PTPRD: variants seen among roughly 807,000 people sequenced by gnomAD.
The protein encoded by PTPRD is protein tyrosine phosphatase receptor type D.
A neutral mutation model predicts 214.5 loss-of-function variants in PTPRD; 34 were observed. That is an observed-to-expected ratio of 0.16 (90% CI 0.12 to 0.21). The LOEUF (loss-of-function observed/expected upper bound fraction) is 0.21. Among genes scored for constraint, PTPRD ranks in the 10% least tolerant of loss-of-function variants. PTPRD has a pLI of 1.00. For synonymous variants in PTPRD, 1,128 were observed against 845.7 expected (o/e 1.33, Z -5.79); for missense variants, 2,545 against 2,398.7 (o/e 1.06, Z -1.27).
intron 3 of PTPRD, among the ~76,000 whole-genome samples, chr9:10,249,888 T>C (rs909551022): frequency 6.6e-6 from 1 of 152,016 alleles, no homozygotes; most frequent in Non-Finnish European, 1.5e-5. Context: ...TTGAAAAAAA[T>C]AAAATAAATA....
At chr9:9,894,747 A>T (rs2074467940) in intron 5 of PTPRD, among the ~76,000 whole-genome samples, 1 of 151,970 alleles carries the variant, frequency 6.6e-6, no homozygotes, top group Admixed American at 6.6e-5. Flanking sequence ...ATGCATTCGG[A>T]GATTTAATTT....
intron 12 of PTPRD, among the ~76,000 whole-genome samples, chr9:8,697,859 T>C (rs560206138): frequency 2.0e-5 from 3 of 152,248 alleles, no homozygotes; most frequent in African/African-American, 7.2e-5. Flanking sequence ...ATCAAAACTT[T>C]CTACCAGAGC....
At chr9:9,312,198 T>C (rs1366512533) in intron 9 of PTPRD, among the ~76,000 whole-genome samples, 2 of 152,160 alleles carry the variant, frequency 1.3e-5, no homozygotes, top group African/African-American at 2.4e-5. Flanking sequence ...TCAGCTTTAC[T>C]CCACCCGTTT....
At chr9:10,257,420 G>T (rs776737379) in intron 3 of PTPRD, among the ~76,000 whole-genome samples, 10 of 152,222 alleles carry the variant, frequency 6.6e-5, no homozygotes, top group Non-Finnish European at 1.2e-4. Flanking sequence ...GAGCAAAATT[G>T]CTAGGCAAAG....
At chr9:9,256,677 C>G (rs763589332) in intron 9 of PTPRD, among the ~76,000 whole-genome samples, 1 of 151,886 alleles carries the variant, frequency 6.6e-6, no homozygotes, top group Non-Finnish European at 1.5e-5. Flanking sequence ...TAGTTTCTTT[C>G]TATTATAAGA....
chr9:9,806,503 C>T (rs957261061), intron 5 of PTPRD, among the ~76,000 whole-genome samples: 4 of 152,040 alleles, frequency 2.6e-5, no homozygotes, highest in African/African-American at 7.2e-5. Context: ...TAACATTCTC[C>T]CAGCCCTTGA....
At chr9:9,865,839 T>C (rs1334519447) in intron 5 of PTPRD, among the ~76,000 whole-genome samples, 1 of 152,222 alleles carries the variant, frequency 6.6e-6, no homozygotes, top group African/African-American at 2.4e-5. Context: ...TTTAGCTCTT[T>C]TCAAAGCAAG....
intron 3 of PTPRD, among the ~76,000 whole-genome samples, chr9:10,160,126 A>G (rs2099118669): frequency 6.6e-6 from 1 of 152,092 alleles, no homozygotes. Context: ...ATGTAGACTG[A>G]AAATGAATGG....
intron 12 of PTPRD, among the ~76,000 whole-genome samples, chr9:8,724,744 G>T (rs1040577095): frequency 1.3e-5 from 2 of 151,812 alleles, no homozygotes; most frequent in South Asian, 4.2e-4. Flanking sequence ...GACCAGCCTG[G>T]GCAACATGAG....
At chr9:9,953,687 C>T (rs1453349626) in intron 4 of PTPRD, among the ~76,000 whole-genome samples, 1 of 152,132 alleles carries the variant, frequency 6.6e-6, no homozygotes, top group African/African-American at 2.4e-5. Flanking sequence ...CTGAGATCCC[C>T]TCAGTCCCAT....
At chr9:10,081,434 C>T (rs989035653) in intron 3 of PTPRD, among the ~76,000 whole-genome samples, 1 of 152,044 alleles carries the variant, frequency 6.6e-6, no homozygotes. Context: ...GGAGGTGGAG[C>T]GTTTGGGAGG....
At chr9:8,538,414 G>C (rs1382471391) in intron 14 of PTPRD, among the ~76,000 whole-genome samples, 1 of 151,766 alleles carries the variant, frequency 6.6e-6, no homozygotes, top group Non-Finnish European at 1.5e-5. Context: ...TTTGTAAAAA[G>C]TTACAAACCA....
At chr9:8,365,423 T>C (rs1292954783) in intron 39 of PTPRD, among the ~76,000 whole-genome samples, 2 of 152,200 alleles carry the variant, frequency 1.3e-5, no homozygotes, top group African/African-American at 4.8e-5. Flanking sequence ...TTTTTGAGAA[T>C]GGACTTTTTT....
chr9:9,259,310 A>G (rs1594725063), intron 9 of PTPRD, among the ~76,000 whole-genome samples: 1 of 151,892 alleles, frequency 6.6e-6, no homozygotes, highest in East Asian at 2.0e-4. Flanking sequence ...TAGCAGAAAA[A>G]GATATCTGCT....
chr9:9,173,783 C>T (rs1327995607), intron 10 of PTPRD, among the ~76,000 whole-genome samples: 1 of 152,108 alleles, frequency 6.6e-6, no homozygotes, highest in Non-Finnish European at 1.5e-5. Context: ...TTAAATCTCA[C>T]CTCTGCTCGT....
chr9:8,671,771 A>G (rs1398415934), intron 12 of PTPRD, among the ~76,000 whole-genome samples: 1 of 152,210 alleles, frequency 6.6e-6, no homozygotes, highest in Non-Finnish European at 1.5e-5. Flanking sequence ...TACGACTTTT[A>G]GAAAACACGC....
chr9:9,180,953 A>T (rs1288936171), intron 10 of PTPRD, among the ~76,000 whole-genome samples: 1 of 152,118 alleles, frequency 6.6e-6, no homozygotes, highest in Non-Finnish European at 1.5e-5. Flanking sequence ...TAAAAAAGAC[A>T]TTGGAATATG....
At chr9:8,989,526 A>T (rs2099358250) in intron 11 of PTPRD, among the ~76,000 whole-genome samples, 1 of 152,088 alleles carries the variant, frequency 6.6e-6, no homozygotes, top group Non-Finnish European at 1.5e-5. Context: ...GTTCCTGGAA[A>T]TGACAAGATT....
intron 2 of PTPRD, among the ~76,000 whole-genome samples, chr9:10,397,074 G>C (rs1260231039): frequency 6.6e-6 from 1 of 151,972 alleles, no homozygotes; most frequent in Non-Finnish European, 1.5e-5. Flanking sequence ...CCACCACTGG[G>C]TAACTAGTCC....
Sources: allele counts gnomAD v4.1 joint callset (sites outside exome capture counted in the v4.1 genomes callset), GRCh38; gene constraint gnomAD v4.1.1; transcripts MANE v1.5; gene names NCBI Gene and HGNC (gene_info 2026-07-23, HGNC 2026-07-21).